Variants in SULT4A1 observed in about 807,000 individuals in gnomAD.
SULT4A1 encodes the protein sulfotransferase 4A1.
SULT4A1 carries 11 observed loss-of-function variants against 35.2 expected under a neutral mutation model. The observed-to-expected ratio is 0.31, with a 90% CI of 0.20 to 0.52. The LOEUF (loss-of-function observed/expected upper bound fraction) is 0.52, where lower values mean the gene tolerates loss of function less well. Ranked by LOEUF, SULT4A1 falls within the 20% of genes least tolerant of loss-of-function variation. The probability of loss-of-function intolerance (pLI) is 0.97; values close to 1 mark genes in which losing one functional copy is unlikely to be tolerated. For missense variants in SULT4A1, 271 were observed against 383.7 expected (o/e 0.71, Z 2.45); for synonymous variants, 152 against 151.8 (o/e 1.00, Z -0.01).
chr22:43,852,894 T>C (rs986212027), intron 1 of SULT4A1, among the ~76,000 whole-genome samples: 3 of 151,698 alleles, frequency 2.0e-5, no homozygotes, highest in African/African-American at 7.3e-5. Context: ...GAGCTGCTAT[T>C]ACCATCCAGC....
intron 1 of SULT4A1, among the ~76,000 whole-genome samples, chr22:43,858,151 A>C (rs2049424818): frequency 6.6e-6 from 1 of 151,924 alleles, no homozygotes; most frequent in Non-Finnish European, 1.5e-5. Flanking sequence ...GTACTTTGGG[A>C]GGCCAAGGCA....
chr22:43,833,080 G>C (rs1312344848), intron 5 of SULT4A1, among the ~76,000 whole-genome samples: 5 of 152,034 alleles, frequency 3.3e-5, no homozygotes, highest in South Asian at 4.2e-4. Context: ...CTTTCCCATG[G>C]GCCAGGCCAC....
At chr22:43,838,719 GTCT>G (rs1315017356) in intron 4 of SULT4A1, 145 bp downstream of exon 4, 2 of 1,050,960 alleles carry the variant, frequency 1.9e-6, no homozygotes, top group Non-Finnish European at 2.7e-6. Flanking sequence ...CGGCCTCAGT[GTCT>G]TCATCTGTAA....
intron 1 of SULT4A1, among the ~76,000 whole-genome samples, chr22:43,853,145 CCACA>C (rs1386452143): frequency 2.0e-5 from 3 of 151,992 alleles, no homozygotes; most frequent in Middle Eastern, 3.4e-3. Context: ...CACACTCACT[CCACA>C]CACAAACACA....
rs533884083 is a variant in SULT4A1, at chr22:43,840,795, A to T, written c.301-770T>A. On this transcript the variant is annotated intron_variant, in intron 2 of 6. Coordinates refer to ENST00000330884, the MANE Select transcript of SULT4A1 (RefSeq NM_014351.4). Reference sequence around the variant, plus strand: ...CTAGGAATGGGCCCAGCCCTCATGAAGCCAAAGAGCCCGGAACCGTTGCCT... The same window carrying T: ...CTAGGAATGGGCCCAGCCCTCATGATGCCAAAGAGCCCGGAACCGTTGCCT... Among the ~76,000 whole-genome samples the T allele has an allele frequency of 3.9e-5, 6 of 152,308 alleles. No individual in the cohort carries two copies. The South Asian group carries it at 1.2e-3, about 32-fold the overall frequency.
At chr22:43,842,724 C>G (rs1215524945) in intron 1 of SULT4A1, among the ~76,000 whole-genome samples, 1 of 152,150 alleles carries the variant, frequency 6.6e-6, no homozygotes, top group Admixed American at 6.5e-5. Context: ...CAAAACTCAA[C>G]TATAGTGACA....
intron 3 of SULT4A1, 107 bp downstream of exon 3, chr22:43,839,838 C>G: frequency 9.5e-7 from 1 of 1,055,526 alleles, no homozygotes; most frequent in Non-Finnish European, 1.4e-6. Flanking sequence ...GGGAAGACAG[C>G]CCCCAAGGCC....
chr22:43,827,287 A>G (rs1189037297), intron 6 of SULT4A1: 1 of 985,300 alleles, frequency 1.0e-6, no homozygotes, highest in Non-Finnish European at 1.2e-6. Flanking sequence ...GGTTTTTCAA[A>G]CTGCAACCCT....
Position 43,862,244 on chromosome 22 carries a change from C to T in SULT4A1, c.139G>A (p.Asp47Asn), listed in dbSNP as rs1347105011. Reference protein sequence around the residue: ...EIANFPVRPSDVWIVTYPKSG... With the variant: ...EIANFPVRPSNVWIVTYPKSG... Reference sequence around the variant, plus strand: ...TTGGGGTAGGTGACGATCCACACGTCGCTGGGCCGCACCGGGAAGTTGGCG... The same window carrying T: ...TTGGGGTAGGTGACGATCCACACGTTGCTGGGCCGCACCGGGAAGTTGGCG... Residue 47 changes from aspartate (D) to asparagine (N), a missense_variant, in exon 1 of 7, where the codon GAC becomes AAC. Asp to Asn is a conservative substitution (Grantham distance 23). This residue lies in a region of SULT4A1 where 164 missense variants were observed against 254.1 expected (regional missense o/e 0.65). Coordinates refer to ENST00000330884, the MANE Select transcript of SULT4A1 (RefSeq NM_014351.4). 1.3e-6 allele frequency: 2 copies of T among 1,567,722 alleles called. No individual in the cohort carries two copies. Among genetic ancestry groups the T allele is most frequent in the East Asian group, 2.5e-5 (1 of 39,870 alleles).
intron 5 of SULT4A1, 70 bp downstream of exon 5, chr22:43,833,570 G>C: frequency 1.5e-6 from 2 of 1,308,898 alleles, no homozygotes; most frequent in Middle Eastern, 1.9e-4. Flanking sequence ...ACTGTAAAGG[G>C]CTCCTGCGTC....
At chr22:43,856,712 G>A (rs778774302) in intron 1 of SULT4A1, among the ~76,000 whole-genome samples, 5 of 152,164 alleles carry the variant, frequency 3.3e-5, no homozygotes, top group South Asian at 4.1e-4. Context: ...TCCACTGAAC[G>A]CAAGCTAACA....
At chr22:43,853,306 C>T (rs1183416400) in intron 1 of SULT4A1, among the ~76,000 whole-genome samples, 2 of 152,202 alleles carry the variant, frequency 1.3e-5, no homozygotes, top group Non-Finnish European at 2.9e-5. Flanking sequence ...TTTCTAGCTA[C>T]GATCAAGCAA....
rs1018993291 is a variant in SULT4A1, at chr22:43,824,952, C to T, written c.*1049G>A. On this transcript the variant is annotated 3_prime_UTR_variant, in exon 7 of 7. Coordinates refer to ENST00000330884, the MANE Select transcript of SULT4A1 (RefSeq NM_014351.4). Reference sequence around the variant, plus strand: ...AGCAATAAAGACCTCACCTTTACTCCCTCAGATACACGGAGGGATGAGGTG... The same window carrying T: ...AGCAATAAAGACCTCACCTTTACTCTCTCAGATACACGGAGGGATGAGGTG... 5 of 152,176 alleles carry T rather than the reference C, an allele frequency of 3.3e-5. No homozygotes were observed. The highest frequency in any genetic ancestry group is 9.7e-5 in the African/African-American group (4 of 41,444). The allele number at this position is 152,176 out of a possible 1,614,324, so 9.4% of individuals were successfully genotyped here. A position where few individuals can be genotyped will look rare whatever the true frequency, so the allele number is the denominator to read the frequency against.
At chr22:43,856,591 A>G (rs1184296538) in intron 1 of SULT4A1, among the ~76,000 whole-genome samples, 29 of 152,236 alleles carry the variant, frequency 1.9e-4, no homozygotes, top group Admixed American at 1.9e-3. Context: ...TCACTGGCAC[A>G]GGGGCAAGAG....
chr22:43,835,133 G>A (rs1348244286), intron 4 of SULT4A1, among the ~76,000 whole-genome samples: 1 of 147,118 alleles, frequency 6.8e-6, no homozygotes, highest in Non-Finnish European at 1.5e-5. Flanking sequence ...GCAGCCCTGA[G>A]CTTCCCGCGC....
chr22:43,851,478 C>A (rs1015506541), intron 1 of SULT4A1, among the ~76,000 whole-genome samples: 1 of 152,114 alleles, frequency 6.6e-6, no homozygotes, highest in Non-Finnish European at 1.5e-5. Flanking sequence ...AAGGAGAGAC[C>A]GTGGGAGCAG....
chr22:43,831,372 C>G (rs1198685791), intron 5 of SULT4A1, among the ~76,000 whole-genome samples: 1 of 151,540 alleles, frequency 6.6e-6, no homozygotes, highest in Non-Finnish European at 1.5e-5. Flanking sequence ...CTCAGTGGCC[C>G]TGGGCAGTGC....
intron 2 of SULT4A1, 58 bp from the exon 3 acceptor site, chr22:43,840,083 G>T: frequency 7.2e-7 from 1 of 1,390,582 alleles, no homozygotes; most frequent in Non-Finnish European, 1.0e-6. Flanking sequence ...AAGGGGAGGA[G>T]TGGGGCCAAG....
intron 1 of SULT4A1, among the ~76,000 whole-genome samples, chr22:43,861,096 G>A (rs1429181990): frequency 6.6e-6 from 1 of 152,146 alleles, no homozygotes; most frequent in Non-Finnish European, 1.5e-5. Flanking sequence ...CCCATGCGGC[G>A]ACTGGCATGT....
Sources: allele counts gnomAD v4.1 joint callset (sites outside exome capture counted in the v4.1 genomes callset), GRCh38; gene constraint gnomAD v4.1.1; regional missense constraint gnomAD v4.1.1; transcripts MANE v1.5; gene names NCBI Gene and HGNC (gene_info 2026-07-23, HGNC 2026-07-21).